The following TMEM233 variants were observed in gnomAD, a reference collection of about 807,000 sequenced individuals.
TMEM233 encodes dispanin subfamily B member 2.
TMEM233 carries 6 observed loss-of-function variants against 11.2 expected under a neutral mutation model. The ratio of observed to expected loss-of-function variants is 0.54; its 90% CI spans 0.29 to 1.06. The LOEUF (loss-of-function observed/expected upper bound fraction) is 1.06. Among genes scored for constraint, TMEM233 ranks in the 50% least tolerant of loss-of-function variants. TMEM233 has a pLI of 0.08. For synonymous variants in TMEM233, 59 were observed against 55.8 expected (o/e 1.06, Z -0.26); for missense variants, 127 against 144.7 (o/e 0.88, Z 0.63).
intron 2 of TMEM233, among the ~76,000 whole-genome samples, chr12:119,634,020 G>A (rs1241454123): frequency 6.6e-6 from 1 of 152,226 alleles, no homozygotes; most frequent in East Asian, 1.9e-4. Flanking sequence ...AAGGGTCTTT[G>A]CCAAACCTTG....
chr12:119,631,288 A>G (rs1192760217), intron 2 of TMEM233: 1 of 153,846 alleles, frequency 6.5e-6, no homozygotes, highest in African/African-American at 2.4e-5. Flanking sequence ...GCTCACCCAG[A>G]TGGGTGAGGG....
chr12:119,608,029 T>C (rs897538666), intron 1 of TMEM233, among the ~76,000 whole-genome samples: 3 of 152,222 alleles, frequency 2.0e-5, no homozygotes, highest in Non-Finnish European at 4.4e-5. Flanking sequence ...TTGAAGATCA[T>C]TGAGGACAGA....
At chr12:119,615,108 C>T (rs1330514404) in intron 1 of TMEM233, among the ~76,000 whole-genome samples, 1 of 148,578 alleles carries the variant, frequency 6.7e-6, no homozygotes, top group Non-Finnish European at 1.5e-5. Flanking sequence ...GCATCCTCTC[C>T]CCACTGCTCT....
At chr12:119,630,562 A>G (rs1954857581) in intron 2 of TMEM233, among the ~76,000 whole-genome samples, 1 of 152,244 alleles carries the variant, frequency 6.6e-6, no homozygotes, top group South Asian at 2.1e-4. Flanking sequence ...CTGTGTTCCA[A>G]TAAAACTTTA....
downstream of TMEM233, among the ~76,000 whole-genome samples, chr12:119,645,496 G>A (rs1040103145): frequency 6.6e-6 from 1 of 152,124 alleles, no homozygotes; most frequent in East Asian, 1.9e-4. Flanking sequence ...AGAGAGGCAG[G>A]CATAAAGATG....
At chr12:119,645,395 A>G (rs1172923197), downstream of TMEM233, among the ~76,000 whole-genome samples, 2 of 151,952 alleles carry the variant, frequency 1.3e-5, no homozygotes, top group Admixed American at 6.6e-5. Flanking sequence ...AAAAATACTC[A>G]CGAATATTGA....
intron 1 of TMEM233, among the ~76,000 whole-genome samples, chr12:119,624,945 AT>A (rs200000466): frequency 1.8e-4 from 27 of 149,996 alleles, no homozygotes; most frequent in Non-Finnish European, 2.2e-4. Flanking sequence ...GGTTCTCTGT[AT>A]TTTTTTTTTA....
Position 119,595,588 on chromosome 12 carries a change from TCA to T in TMEM233, c.186+1555_186+1556del, listed in dbSNP as rs1954028062. Reference sequence around the variant, plus strand: ...TCTGAAGTCACTGCATCTCTGAACCTCAGTCTCTTTGTAAAACCAGAATAATC... The same window carrying T: ...TCTGAAGTCACTGCATCTCTGAACCTGTCTCTTTGTAAAACCAGAATAATC... On this transcript the variant is annotated intron_variant, in intron 1 of 2. Transcript: ENST00000426426. This position sits in a 1 kb window ranked among gnomAD's most constrained non-coding sequence, Gnocchi z 4.3. 6.6e-6 allele frequency among the ~76,000 whole-genome samples: 1 copy of T among 152,232 alleles called. No individual in the cohort carries two copies. Among genetic ancestry groups the T allele is most frequent in the African/African-American group, 2.4e-5 (1 of 41,460 alleles).
chr12:119,633,212 A>T (rs374134208), intron 2 of TMEM233, among the ~76,000 whole-genome samples: 1 of 152,228 alleles, frequency 6.6e-6, no homozygotes, highest in Admixed American at 6.5e-5. Context: ...CAATTTCCCT[A>T]ACTATAAAAT....
chr12:119,625,706 C>A (rs7965791), intron 1 of TMEM233, among the ~76,000 whole-genome samples: 116,097 of 152,022 alleles, frequency 0.76, 44,551 homozygotes, highest in Middle Eastern at 0.85. Flanking sequence ...AATCACCAAA[C>A]TGCATCAATA....
chr12:119,602,321 C>T (rs1954185295), intron 1 of TMEM233, among the ~76,000 whole-genome samples: 1 of 152,172 alleles, frequency 6.6e-6, no homozygotes, highest in Non-Finnish European at 1.5e-5. Flanking sequence ...CTTGACGCTG[C>T]CCACTAGTTG....
At chr12:119,601,840 T>C (rs1954174086) in intron 1 of TMEM233, among the ~76,000 whole-genome samples, 1 of 152,082 alleles carries the variant, frequency 6.6e-6, no homozygotes, top group Non-Finnish European at 1.5e-5. Flanking sequence ...CAGAAAGTCA[T>C]GGGCGAATGT....
Position 119,593,894 on chromosome 12 carries a change from A to G in TMEM233, c.46A>G (p.Ser16Gly). 2 of 1,551,724 alleles carry G rather than the reference A, an allele frequency of 1.3e-6. No homozygotes were observed. Among genetic ancestry groups the G allele is most frequent in the South Asian group, 1.2e-5 (1 of 84,054 alleles). Residue 16 changes from serine (S) to glycine (G), a missense_variant, in exon 1 of 3, where the codon AGC becomes GGC. By Grantham distance (56) the Ser-to-Gly change is moderately conservative. Transcript: ENST00000426426. The surrounding 1 kb of genome is among the most constrained non-coding windows in gnomAD (Gnocchi z 4.1). Reference protein sequence around the residue: ...PSPDFKRALDSSPEANTEDDK... With the variant: ...PSPDFKRALDGSPEANTEDDK... ...CCCGGACTTCAAGAGGGCTTTGGAC[A>G]GCAGTCCCGAGGCCAACACTGAAGA...
chr12:119,645,752 T>C (rs1323462937), downstream of TMEM233, among the ~76,000 whole-genome samples: 1 of 152,178 alleles, frequency 6.6e-6, no homozygotes, highest in East Asian at 1.9e-4. Context: ...TCTCTCTTCC[T>C]GTCCCAGTGT....
chr12:119,646,504 G>T (rs1338939416), downstream of TMEM233, among the ~76,000 whole-genome samples: 2 of 152,222 alleles, frequency 1.3e-5, no homozygotes, highest in Non-Finnish European at 2.9e-5. Context: ...TGGCGGCAGG[G>T]TTGGATTCCT....
intron 1 of TMEM233, among the ~76,000 whole-genome samples, chr12:119,627,783 G>A (rs115861219): frequency 0.011 from 1,631 of 152,246 alleles, 31 homozygotes; most frequent in African/African-American, 0.037. Flanking sequence ...ATTGAAGACC[G>A]GCTGAAACAG....
chr12:119,632,115 G>A (rs138627404), intron 2 of TMEM233, among the ~76,000 whole-genome samples: 2 of 152,282 alleles, frequency 1.3e-5, no homozygotes, highest in Non-Finnish European at 2.9e-5. Context: ...TGAGCTAAGT[G>A]GGTTATAATA....
intron 1 of TMEM233, among the ~76,000 whole-genome samples, chr12:119,603,116 A>G (rs1476260799): frequency 6.7e-6 from 1 of 148,760 alleles, no homozygotes; most frequent in Non-Finnish European, 1.5e-5. Flanking sequence ...AAATAAAAAT[A>G]AAAAATCAGC....
At chr12:119,615,288 C>T (rs1954503379) in intron 1 of TMEM233, among the ~76,000 whole-genome samples, 1 of 149,622 alleles carries the variant, frequency 6.7e-6, no homozygotes, top group African/African-American at 2.5e-5. Flanking sequence ...TATTTTTTAT[C>T]TCCACCAGAA....
Sources: allele counts gnomAD v4.1 joint callset (sites outside exome capture counted in the v4.1 genomes callset), GRCh38; gene constraint gnomAD v4.1.1; non-coding constraint Gnocchi (gnomAD v3.1); transcripts MANE v1.5; gene names NCBI Gene and HGNC (gene_info 2026-07-23, HGNC 2026-07-21).